The following CFAP95 variants were observed in gnomAD, a reference collection of about 807,000 sequenced individuals.
CFAP95 encodes the protein cilia- and flagella-associated protein 95.
chr9:69,848,104 G>A, the CFAP95 span, among the ~76,000 whole-genome samples: 1 of 152,154 alleles, frequency 6.6e-6, no homozygotes, highest in Admixed American at 6.5e-5. Flanking sequence ...AGTCTTATCT[G>A]CAAGGACCCT....
chr9:69,873,417 TG>T, the CFAP95 span, among the ~76,000 whole-genome samples: 4 of 140,302 alleles, frequency 2.9e-5, no homozygotes, highest in African/African-American at 1.3e-4. Flanking sequence ...TAAGTTTTTT[TG>T]TTTGTTTGTT....
At chr9:69,860,733 A>T in the CFAP95 span, among the ~76,000 whole-genome samples, 1 of 151,478 alleles carries the variant, frequency 6.6e-6, no homozygotes, top group African/African-American at 2.4e-5. Context: ...TTATTAAACA[A>T]TTTTTTTTAC....
At chr9:69,842,376 C>T in the CFAP95 span, among the ~76,000 whole-genome samples, 66 of 152,264 alleles carry the variant, frequency 4.3e-4, no homozygotes, top group African/African-American at 1.6e-3. Flanking sequence ...ACACAAACCC[C>T]TCAGAACTGG....
At chr9:69,867,546 T>G in the CFAP95 span, among the ~76,000 whole-genome samples, 1 of 152,312 alleles carries the variant, frequency 6.6e-6, no homozygotes, top group East Asian at 1.9e-4. Flanking sequence ...TCCCTGAACA[T>G]GCATGCTGCT....
At chr9:69,858,510 A>C in the CFAP95 span, among the ~76,000 whole-genome samples, 1 of 152,152 alleles carries the variant, frequency 6.6e-6, no homozygotes, top group African/African-American at 2.4e-5. Context: ...TTAGAGCAAG[A>C]AGGTTGTGAT....
the CFAP95 span, among the ~76,000 whole-genome samples, chr9:69,900,293 C>T: frequency 6.6e-6 from 1 of 152,022 alleles, no homozygotes; most frequent in Non-Finnish European, 1.5e-5. Flanking sequence ...CTAGTATGAG[C>T]AGAGTGGGTT....
chr9:69,895,190 C>A, the CFAP95 span, among the ~76,000 whole-genome samples: 1 of 151,900 alleles, frequency 6.6e-6, no homozygotes. Flanking sequence ...GTAAGTGGGG[C>A]TCATTGAATC....
the CFAP95 span, among the ~76,000 whole-genome samples, chr9:69,861,362 C>T: frequency 6.6e-6 from 1 of 152,164 alleles, no homozygotes; most frequent in African/African-American, 2.4e-5. Flanking sequence ...AATCTCCCTT[C>T]TGCAGGGTGA....
chr9:69,886,750 T>A, the CFAP95 span: 1 of 940,478 alleles, frequency 1.1e-6, no homozygotes, highest in Non-Finnish European at 1.6e-6. Flanking sequence ...TGAAATGTTT[T>A]TATTTCATGT....
At chr9:69,857,964 G>A in the CFAP95 span, 1 of 1,613,952 alleles carries the variant, frequency 6.2e-7, no homozygotes, top group Non-Finnish European at 8.5e-7. Flanking sequence ...ACATCCACCG[G>A]ATTGGAGCAA....
chr9:69,843,554 C>CTTCTTCTT, the CFAP95 span, among the ~76,000 whole-genome samples: 3 of 17,956 alleles, frequency 1.7e-4, 1 homozygote, highest in South Asian at 4.0e-3. Context: ...TCCTCCTCCT[C>CTTCTTCTT]CTCCTTCTTC....
chr9:69,864,919 G>C, the CFAP95 span, among the ~76,000 whole-genome samples: 3 of 152,066 alleles, frequency 2.0e-5, no homozygotes, highest in African/African-American at 7.2e-5. Context: ...TTCTCCAGAA[G>C]AAAAAAAGCT....
chr9:69,886,919 C>G, the CFAP95 span: 1 of 1,586,134 alleles, frequency 6.3e-7, no homozygotes, highest in Non-Finnish European at 8.6e-7. Flanking sequence ...CCGTAGTCTT[C>G]TACCTATTTG....
chr9:69,821,756 A>G, the CFAP95 span, among the ~76,000 whole-genome samples: 1 of 146,586 alleles, frequency 6.8e-6, no homozygotes, highest in Non-Finnish European at 1.5e-5. Flanking sequence ...TTTTTTTTTC[A>G]TTTTAATTAG....
the CFAP95 span, among the ~76,000 whole-genome samples, chr9:69,846,368 T>A: frequency 6.6e-6 from 1 of 152,184 alleles, no homozygotes; most frequent in Non-Finnish European, 1.5e-5. Flanking sequence ...GTATGTCTTT[T>A]TGTTGATGGC....
the CFAP95 span, among the ~76,000 whole-genome samples, chr9:69,860,209 C>T: frequency 3.3e-5 from 5 of 152,160 alleles, no homozygotes; most frequent in Non-Finnish European, 7.3e-5. Context: ...TTATTTGGCT[C>T]ACAGTTCTGC....
At chr9:69,890,275 AT>A in the CFAP95 span, among the ~76,000 whole-genome samples, 1 of 152,064 alleles carries the variant, frequency 6.6e-6, no homozygotes, top group Non-Finnish European at 1.5e-5. Flanking sequence ...TATGCTTTTA[AT>A]TTTTTCAGCA....
chr9:69,892,886 C>T, the CFAP95 span, among the ~76,000 whole-genome samples: 1 of 152,182 alleles, frequency 6.6e-6, no homozygotes, highest in South Asian at 2.1e-4. Context: ...CTTTCCAGCT[C>T]TCCATCCCAC....
the CFAP95 span, among the ~76,000 whole-genome samples, chr9:69,833,870 A>T: frequency 6.6e-6 from 1 of 152,184 alleles, no homozygotes; most frequent in Admixed American, 6.5e-5. Context: ...CCTGAAGAAA[A>T]GCTTATTTGT....
Sources: gnomAD v4.1 joint callset for allele counts (sites outside exome capture counted in the v4.1 genomes callset) on GRCh38, gnomAD v4.1.1 for gene constraint, MANE v1.5 for transcripts, NCBI Gene and HGNC (gene_info 2026-07-23, HGNC 2026-07-21) for gene names.